SBNO2: variants seen among roughly 807,000 people sequenced by gnomAD.
SBNO2 encodes the protein protein strawberry notch homolog 2.
Under a neutral mutation model 146.3 loss-of-function variants are expected in SBNO2, and 89 were observed. That is an observed-to-expected ratio of 0.61 (90% confidence interval 0.51 to 0.73). The LOEUF is 0.73. SBNO2 is among the 30% of genes least tolerant of loss of function. The pLI, the probability that SBNO2 is intolerant of heterozygous loss-of-function variation, is 0.00. For synonymous variants in SBNO2, 1,147 were observed against 892.6 expected (o/e 1.29, Z -5.08); for missense variants, 2,092 against 2,003.7 (o/e 1.04, Z -0.84).
chr19:1,162,516 G>A lies in SBNO2; in HGVS notation c.-126-8114C>T, dbSNP rs1411865816. Among the ~76,000 whole-genome samples, 3 of 151,490 alleles carry A rather than the reference G, an allele frequency of 2.0e-5. No individual in the cohort carries two copies. In the East Asian group the frequency reaches 5.9e-4, roughly 30 times the overall value. On this transcript the variant is annotated intron_variant, in intron 1 of 31. Coordinates refer to ENST00000361757, the MANE Select transcript of SBNO2 (RefSeq NM_014963.3). Reference sequence around the variant, plus strand: ...GGAGCCTGGATCTCAACCCCTGCAAGGTGGAAATCTGGCTTCCTCTCACCC... The same window carrying A: ...GGAGCCTGGATCTCAACCCCTGCAAAGTGGAAATCTGGCTTCCTCTCACCC...
Position 1,119,535 on chromosome 19 carries a change from G to A in SBNO2, c.1354C>T (p.Leu452=), listed in dbSNP as rs751463242. The change falls in exon 13 of 32, where the codon CTG becomes TTG. Residue 452 remains leucine (L), a synonymous_variant. Coordinates refer to ENST00000361757, the MANE Select transcript of SBNO2 (RefSeq NM_014963.3). ...ACTCACCTCTTCTCGATGGCGTGCA[G>A]GAACTCCTCAAAGTTCCGGAAGGGT... ...GTPFRNFEEF[L]HAIEKRGVGA... The A allele has an allele frequency of 3.7e-6, 6 of 1,609,986 alleles. No individual in the cohort carries two copies. The highest frequency in any genetic ancestry group is 3.4e-6 in the Non-Finnish European group (4 of 1,178,374).
At chr19:1,146,278 G>A (rs867327073) in intron 4 of SBNO2, among the ~76,000 whole-genome samples, 8 of 152,126 alleles carry the variant, frequency 5.3e-5, no homozygotes, top group South Asian at 2.1e-4. Context: ...CTCAGGGTCC[G>A]GCTGGCTTTG....
At chr19:1,127,904 C>T in intron 4 of SBNO2, 139 bp from the exon 5 acceptor site, 5 of 755,938 alleles carry the variant, frequency 6.6e-6, no homozygotes, top group African/African-American at 1.7e-5. Context: ...CCACGGCCCT[C>T]CCAGGTTCAA....
intron 24 of SBNO2, 101 bp from the exon 25 acceptor site, chr19:1,111,194 G>C (rs775173408): frequency 2.2e-6 from 3 of 1,341,124 alleles, no homozygotes; most frequent in South Asian, 1.4e-5. Flanking sequence ...TGGGGGGCTG[G>C]GGAGCAGCTG....
At position 1,124,039 on chromosome 19, in the gene SBNO2, ATGTCAGC is replaced by A; in HGVS notation, c.442-24_442-18del. ...CTGGAACAGCTGGAAGGGGAGCAGG[ATGTCAGC>A]CCGGGCCAGACGGGACAGGTCACAG... On this transcript the variant is annotated intron_variant, in intron 5 of 31. Transcript: ENST00000361757. 1 of 1,607,660 alleles carries A rather than the reference ATGTCAGC, an allele frequency of 6.2e-7. No homozygotes were observed.
At chr19:1,172,777 C>CGGG (rs2145368949) in intron 1 of SBNO2, among the ~76,000 whole-genome samples, 1 of 69,910 alleles carries the variant, frequency 1.4e-5, no homozygotes, top group Non-Finnish European at 2.8e-5. Context: ...TCACTGCAAC[C>CGGG]GCCCCCCCCG....
intron 19 of SBNO2, among the ~76,000 whole-genome samples, 156 bp from the exon 20 acceptor site, chr19:1,113,105 G>C (rs949788253): frequency 1.3e-5 from 2 of 152,214 alleles, no homozygotes; most frequent in African/African-American, 4.8e-5. Flanking sequence ...CGGGACTGCT[G>C]GACCCAGGCG....
intron 4 of SBNO2, chr19:1,132,316 G>A: frequency 3.1e-6 from 4 of 1,297,570 alleles, no homozygotes; most frequent in Non-Finnish European, 3.9e-6. Context: ...TCTAAGGCCG[G>A]GGCTGACTTT....
chr19:1,116,539 C>T lies in SBNO2; in HGVS notation c.1802+290G>A, dbSNP rs374261434. 1.3e-3 allele frequency among the ~76,000 whole-genome samples: 201 copies of T among 152,270 alleles called. 1 individual carries two copies. The highest frequency in any genetic ancestry group is 4.5e-3 in the African/African-American group (186 of 41,562). ...TGGGAGGGCCAGCCCCTAAAATCCA[C>T]AGCCCCCTTGTTAAAACGGCACAGA... On this transcript the variant is annotated intron_variant, in intron 16 of 31. Coordinates refer to ENST00000361757, the MANE Select transcript of SBNO2 (RefSeq NM_014963.3).
At chr19:1,168,342 A>G (rs946576574) in intron 1 of SBNO2, among the ~76,000 whole-genome samples, 1 of 151,946 alleles carries the variant, frequency 6.6e-6, no homozygotes, top group African/African-American at 2.4e-5. Flanking sequence ...GCCCAGCCAC[A>G]CCCGGGCAAC....
chr19:1,112,480 G>C lies in SBNO2; in HGVS notation c.2437C>G (p.Arg813Gly). 1.2e-6 allele frequency: 2 copies of C among 1,607,268 alleles called. No homozygotes were observed. Among genetic ancestry groups the C allele is most frequent in the Non-Finnish European group, 1.7e-6 (2 of 1,178,602 alleles). ...ACGCGGCGCCGCTGGTTCTGGACAC[G>C]GCGGTCGGCTTGGAGGGAGACACCC... ...SSGVSLQADR[R>G]VQNQRRRVHM... The change falls in exon 21 of 32, where the codon CGT (arginine) becomes GGT (glycine). Residue 813 changes from arginine to glycine, a missense_variant. Transcript: ENST00000361757. This position sits in a 1 kb window ranked among gnomAD's most constrained non-coding sequence, Gnocchi z 5.9.
Position 1,126,641 on chromosome 19 carries a change from C to T in SBNO2, c.441+963G>A, listed in dbSNP as rs984184181. 2.6e-5 allele frequency among the ~76,000 whole-genome samples: 4 copies of T among 152,158 alleles called. No individual in the cohort carries two copies. The highest frequency in any genetic ancestry group is 9.7e-5 in the African/African-American group (4 of 41,440). On this transcript the variant is annotated intron_variant, in intron 5 of 31. Transcript: ENST00000361757. The surrounding 1 kb of genome is among the most constrained non-coding windows in gnomAD (Gnocchi z 4.4). Reference sequence around the variant, plus strand: ...TGGGCCCCCAAGCCCGTGAGTTCTGCTGCCCGGGTTGCCCCTTCCTGAGGG... The same window carrying T: ...TGGGCCCCCAAGCCCGTGAGTTCTGTTGCCCGGGTTGCCCCTTCCTGAGGG...
intron 4 of SBNO2, chr19:1,128,336 G>A (rs1386053653): frequency 1.9e-5 from 7 of 364,512 alleles, no homozygotes; most frequent in African/African-American, 4.3e-5. Flanking sequence ...GGTGGGGCTC[G>A]CCATGGGGAT....
intron 4 of SBNO2, among the ~76,000 whole-genome samples, chr19:1,134,198 C>G (rs543403362): frequency 2.6e-4 from 39 of 151,874 alleles, no homozygotes; most frequent in African/African-American, 8.9e-4. Context: ...GGTGGACTCA[C>G]AGCTCACAGG....
chr19:1,110,673 C>T lies in SBNO2; in HGVS notation c.3028+72G>A, dbSNP rs759459343. 1.9e-6 allele frequency: 3 copies of T among 1,554,822 alleles called. No individual in the cohort carries two copies. The Admixed American group carries it at 5.3e-5, about 28-fold the overall frequency. ...GTGTTCCCACGAGCCCCGAGCCCAC[C>T]CAGGATGCATGGCGTTCCCACGAGC... On this transcript the variant is annotated intron_variant, in intron 26 of 31. Transcript: ENST00000361757. This position sits in a 1 kb window ranked among gnomAD's most constrained non-coding sequence, Gnocchi z 4.9.
chr19:1,113,564 G>A lies in SBNO2; in HGVS notation c.2218C>T (p.Gln740Ter). ...PVNTLDELIDQLGGPQRVAEM... is the reference protein window; with the variant it reads ...PVNTLDELID ...GCCACCCGCTGGGGGCCGCCCAGCT[G>A]GTCGATGAGCTCGTCCAGGGTGTTG... Residue 740 changes from glutamine (Q) to a stop codon, truncating the protein, a stop_gained, in exon 19 of 32, where the codon CAG becomes TAG. Coordinates refer to ENST00000361757, the MANE Select transcript of SBNO2 (RefSeq NM_014963.3). LOFTEE classifies it high-confidence loss of function. 6.2e-7 allele frequency: 1 copy of A among 1,602,064 alleles called. No homozygotes were observed. The highest frequency in any genetic ancestry group is 1.7e-5 in the Admixed American group (1 of 58,466).
Position 1,112,030 on chromosome 19 carries a change from G to A in SBNO2, c.2666C>T (p.Ser889Phe). The change falls in exon 23 of 32, where the codon TCC (serine) becomes TTC (phenylalanine). Residue 889 changes from serine to phenylalanine, a missense_variant. By Grantham distance (155) the Ser-to-Phe change is radical. Coordinates refer to ENST00000361757, the MANE Select transcript of SBNO2 (RefSeq NM_014963.3). This position sits in a 1 kb window ranked among gnomAD's most constrained non-coding sequence, Gnocchi z 5.9. ...AAAGTTGTACTTGCTGAGGTCACGG[G>A]ACTCCGTGGCGCGGCGGTCTCCGTG... ...LTHGDRRATE[S>F]RDLSKYNFEN... 6.2e-7 allele frequency: 1 copy of A among 1,612,454 alleles called. No individual in the cohort carries two copies. The highest frequency in any genetic ancestry group is 1.1e-5 in the South Asian group (1 of 91,064).
At position 1,114,302 on chromosome 19, in the gene SBNO2, G is replaced by A. The variant is rs2079804484; in HGVS notation, c.2006C>T (p.Ser669Phe). ...SDPGLDSDFN[S>F]SPESLVDDDV... ...GTCATCCACCAGGGACTCGGGGGAG[G>A]AGTTGAAGTCGCTGTCCAGGCCAGG... The change falls in exon 18 of 32, where the codon TCC becomes TTC. Residue 669 changes from serine to phenylalanine, a missense_variant. Ser to Phe is a radical substitution (Grantham distance 155). Transcript: ENST00000361757. 1.3e-6 allele frequency: 2 copies of A among 1,555,196 alleles called. No individual in the cohort carries two copies. Among genetic ancestry groups the A allele is most frequent in the African/African-American group, 1.4e-5 (1 of 73,196 alleles).
At chr19:1,167,963 C>A (rs1475510599) in intron 1 of SBNO2, among the ~76,000 whole-genome samples, 1 of 152,186 alleles carries the variant, frequency 6.6e-6, no homozygotes, top group African/African-American at 2.4e-5. Flanking sequence ...GTAACCTCCC[C>A]ACCCCTCCCA....
Sources: allele counts gnomAD v4.1 joint callset (sites outside exome capture counted in the v4.1 genomes callset), GRCh38; gene constraint gnomAD v4.1.1; non-coding constraint Gnocchi (gnomAD v3.1); transcripts MANE v1.5; gene names NCBI Gene and HGNC (gene_info 2026-07-23, HGNC 2026-07-21).